Variants in MLLT10 observed in about 807,000 individuals in gnomAD.
MLLT10 encodes protein AF-10.
In MLLT10, 30 loss-of-function variants were observed where a neutral mutation model predicts 129.1. That is an observed-to-expected ratio of 0.23 (90% confidence interval 0.17 to 0.32). The LOEUF (loss-of-function observed/expected upper bound fraction) is 0.32. MLLT10 is among the 10% of genes least tolerant of loss of function. MLLT10 has a pLI of 1.00. For missense variants in MLLT10, 1,119 were observed against 1,268.3 expected (o/e 0.88, Z 1.79); for synonymous variants, 490 against 446.4 (o/e 1.10, Z -1.23).
At chr10:21,552,388 C>CTTTTTTTT (rs1225893534) in intron 3 of MLLT10, among the ~76,000 whole-genome samples, 2 of 112,106 alleles carry the variant, frequency 1.8e-5, no homozygotes, top group Non-Finnish European at 3.7e-5. Context: ...CTTCTTATTG[C>CTTTTTTTT]TTTTTTTTTT....
At chr10:21,625,032 T>A (rs897595451) in intron 8 of MLLT10, 1 of 921,254 alleles carries the variant, frequency 1.1e-6, no homozygotes, top group Non-Finnish European at 1.7e-6. Context: ...GTAGGGAATC[T>A]TCGTAACCTC....
At chr10:21,738,955 C>T (rs557446492) in intron 21 of MLLT10, among the ~76,000 whole-genome samples, 1 of 152,152 alleles carries the variant, frequency 6.6e-6, no homozygotes, top group Admixed American at 6.5e-5. Flanking sequence ...TCCTGTAATG[C>T]AGCTGCTCAC....
At chr10:21,670,372 T>C (rs947177827) in intron 9 of MLLT10, 77 bp from the exon 10 acceptor site, 13 of 1,357,750 alleles carry the variant, frequency 9.6e-6, no homozygotes, top group South Asian at 8.3e-5. Context: ...TTCTTCTTAT[T>C]AATGTGGCAC....
intron 3 of MLLT10, among the ~76,000 whole-genome samples, chr10:21,574,666 C>G (rs1251251969): frequency 6.6e-6 from 1 of 152,118 alleles, no homozygotes; most frequent in South Asian, 2.1e-4. Context: ...GTGGGCAATT[C>G]CCAGAACTAG....
chr10:21,581,906 T>C (rs1043777293), intron 3 of MLLT10, among the ~76,000 whole-genome samples: 3 of 152,170 alleles, frequency 2.0e-5, no homozygotes, highest in African/African-American at 7.2e-5. Flanking sequence ...TTATAAACAT[T>C]GTACACTTAA....
intron 13 of MLLT10, among the ~76,000 whole-genome samples, chr10:21,700,567 T>A (rs568461970): frequency 6.6e-6 from 1 of 152,280 alleles, no homozygotes; most frequent in East Asian, 1.9e-4. Flanking sequence ...GTTTTTAATA[T>A]GAAGCGATGT....
chr10:21,580,442 G>A (rs1477811106), intron 3 of MLLT10, among the ~76,000 whole-genome samples: 3 of 147,680 alleles, frequency 2.0e-5, no homozygotes, highest in Non-Finnish European at 3.0e-5. Flanking sequence ...AGGCTGGAGT[G>A]CAGTGGCATG....
chr10:21,693,902 T>A (rs2054117986), intron 13 of MLLT10, among the ~76,000 whole-genome samples: 1 of 152,228 alleles, frequency 6.6e-6, no homozygotes, highest in Non-Finnish European at 1.5e-5. Context: ...TTTATTAGAC[T>A]ATTGAGTGAA....
intron 5 of MLLT10, among the ~76,000 whole-genome samples, chr10:21,604,425 A>G (rs1267109092): frequency 1.3e-5 from 2 of 152,024 alleles, no homozygotes; most frequent in East Asian, 3.9e-4. Context: ...CCCTGTCTCT[A>G]CTAAAAATGC....
intron 3 of MLLT10, among the ~76,000 whole-genome samples, chr10:21,563,711 T>C (rs116321358): frequency 1.3e-5 from 2 of 152,080 alleles, no homozygotes; most frequent in Admixed American, 6.6e-5. Context: ...AAAACTGTTA[T>C]AAACATTACA....
intron 8 of MLLT10, among the ~76,000 whole-genome samples, chr10:21,640,224 TTA>T (rs1435946258): frequency 1.4e-5 from 2 of 144,172 alleles, no homozygotes; most frequent in African/African-American, 2.5e-5. Flanking sequence ...ATATTATATA[TTA>T]TATATTATGT....
In MLLT10 at chr10:21,691,848, G is replaced by A. The variant is rs373800068; in HGVS notation, c.1699+9591G>A. 5.3e-5 allele frequency among the ~76,000 whole-genome samples: 8 copies of A among 152,048 alleles called. No individual in the cohort carries two copies. In the East Asian group the frequency reaches 1.5e-3, roughly 29 times the overall value. ...ATGAAGAAAACTTCCTAGAAAGAAG[G>A]AAAGTACCAATACTGTGGTGCCAGG... On this transcript the variant is annotated intron_variant, in intron 13 of 22. Coordinates refer to ENST00000307729, the MANE Select transcript of MLLT10 (RefSeq NM_001195626.3).
chr10:21,576,329 G>A (rs1435247859), intron 3 of MLLT10, among the ~76,000 whole-genome samples: 1 of 148,634 alleles, frequency 6.7e-6, no homozygotes, highest in Admixed American at 6.9e-5. Context: ...TGCAAGCTCC[G>A]CCTCCCAGGT....
intron 8 of MLLT10, among the ~76,000 whole-genome samples, chr10:21,627,059 T>C (rs190352922): frequency 6.6e-6 from 1 of 152,300 alleles, no homozygotes; most frequent in African/African-American, 2.4e-5. Context: ...TTTAAACTTT[T>C]GGTTTTTTCA....
chr10:21,733,792 A>G lies in MLLT10; in HGVS notation c.2521A>G (p.Thr841Ala), dbSNP rs764341145. 2.5e-6 allele frequency: 4 copies of G among 1,613,576 alleles called. No individual in the cohort carries two copies. The highest frequency in any genetic ancestry group is 3.4e-6 in the Non-Finnish European group (4 of 1,179,844). Residue 841 changes from threonine (T) to alanine (A), a missense_variant, in exon 20 of 23, where the codon ACC becomes GCC. Coordinates refer to ENST00000307729, the MANE Select transcript of MLLT10 (RefSeq NM_001195626.3). ...GGACTTAACCTCCAGTGGACAAAGT[A>G]CCAGCAGCTCATCAGCTCTTTCTAC... The part of the protein sequence containing the change: ...NQDLTSSGQS[T>A]SSSSALSTPP...
At chr10:21,563,434 A>T (rs1215125051) in intron 3 of MLLT10, among the ~76,000 whole-genome samples, 1 of 151,906 alleles carries the variant, frequency 6.6e-6, no homozygotes, top group East Asian at 1.9e-4. Context: ...GAGACATGAG[A>T]ATTGCTTGAA....
At chr10:21,682,289 C>A in intron 13 of MLLT10, 32 bp downstream of exon 13, 2 of 1,594,142 alleles carry the variant, frequency 1.3e-6, no homozygotes, top group African/African-American at 1.3e-5. Context: ...TCTAGTGGTT[C>A]GTTTATCACA....
At chr10:21,666,565 A>C (rs566522604) in intron 9 of MLLT10, among the ~76,000 whole-genome samples, 7 of 151,970 alleles carry the variant, frequency 4.6e-5, no homozygotes, top group Non-Finnish European at 1.0e-4. Flanking sequence ...GGGAAGGCTG[A>C]GGCAGGAGAA....
At chr10:21,725,446 C>T (rs1037036642) in intron 14 of MLLT10, among the ~76,000 whole-genome samples, 2 of 152,090 alleles carry the variant, frequency 1.3e-5, no homozygotes, top group South Asian at 2.1e-4. Context: ...TGGCCAGGCG[C>T]GGTGGCTCAC....
Sources: gnomAD v4.1 joint callset for allele counts (sites outside exome capture counted in the v4.1 genomes callset) on GRCh38, gnomAD v4.1.1 for gene constraint, MANE v1.5 for transcripts, NCBI Gene and HGNC (gene_info 2026-07-23, HGNC 2026-07-21) for gene names.